The following SLC35F1 variants were observed in gnomAD, a reference collection of about 807,000 sequenced individuals.
The protein encoded by SLC35F1 is chromosome 6 open reading frame 169.
A neutral mutation model predicts 48.7 loss-of-function variants in SLC35F1; 14 were observed. The ratio of observed to expected loss-of-function variants is 0.29; its 90% CI spans 0.19 to 0.45. The LOEUF is 0.45. Among genes scored for constraint, SLC35F1 ranks in the 20% least tolerant of loss-of-function variants. The pLI is 1.00. For synonymous variants in SLC35F1, 190 were observed against 202.2 expected, an observed-to-expected ratio of 0.94 and a Z score of 0.51; for missense variants, 404 against 500.0, an observed-to-expected ratio of 0.81 and a Z score of 1.83.
chr6:118,297,662 AATAT>A (rs1446661383), intron 7 of SLC35F1, among the ~76,000 whole-genome samples: 14,614 of 139,436 alleles, frequency 0.1, 1,285 homozygotes, highest in African/African-American at 0.21. Context: ...TAATATATAT[AATAT>A]TATATAAGTT....
intron 1 of SLC35F1, among the ~76,000 whole-genome samples, chr6:118,150,292 T>A (rs1774036693): frequency 6.6e-6 from 1 of 152,178 alleles, no homozygotes; most frequent in African/African-American, 2.4e-5. Flanking sequence ...TGTACTAAGT[T>A]ATTTGAGGAC....
chr6:117,970,757 A>G (rs1776627365), intron 1 of SLC35F1, among the ~76,000 whole-genome samples: 1 of 152,308 alleles, frequency 6.6e-6, no homozygotes, highest in African/African-American at 2.4e-5. Flanking sequence ...TTATAAAACC[A>G]TCAGATCTTG....
chr6:118,265,635 C>CTCAGTCTAG (rs1429921491), intron 3 of SLC35F1, among the ~76,000 whole-genome samples: 1 of 152,076 alleles, frequency 6.6e-6, no homozygotes, highest in East Asian at 1.9e-4. Context: ...AGGATGTTAG[C>CTCAGTCTAG]TCAGTCTAGG....
At chr6:118,167,781 T>C (rs971768598) in intron 2 of SLC35F1, among the ~76,000 whole-genome samples, 3 of 152,172 alleles carry the variant, frequency 2.0e-5, no homozygotes, top group Non-Finnish European at 4.4e-5. Flanking sequence ...TTCATTATGA[T>C]GTTATGATAG....
chr6:117,961,075 A>G (rs1431920804), intron 1 of SLC35F1, among the ~76,000 whole-genome samples: 1 of 152,166 alleles, frequency 6.6e-6, no homozygotes, highest in Non-Finnish European at 1.5e-5. Flanking sequence ...CAAAAGGAGA[A>G]TGTGTTACAT....
intron 7 of SLC35F1, among the ~76,000 whole-genome samples, chr6:118,303,623 T>A (rs1317473147): frequency 6.6e-6 from 1 of 152,242 alleles, no homozygotes; most frequent in Non-Finnish European, 1.5e-5. Context: ...GAGGGGTTGG[T>A]GTTTTAAAAA....
At chr6:117,985,818 T>C (rs1353319555) in intron 1 of SLC35F1, among the ~76,000 whole-genome samples, 1 of 152,250 alleles carries the variant, frequency 6.6e-6, no homozygotes, top group African/African-American at 2.4e-5. Context: ...ATGCATGCAC[T>C]TAAGTTGGAT....
chr6:118,037,999 C>T (rs561800767), intron 1 of SLC35F1, among the ~76,000 whole-genome samples: 18 of 152,098 alleles, frequency 1.2e-4, no homozygotes, highest in Non-Finnish European at 1.3e-4. Flanking sequence ...AACAAACCTG[C>T]GCATTCTGCA....
chr6:118,232,013 A>G (rs1775298362), intron 2 of SLC35F1, among the ~76,000 whole-genome samples: 1 of 152,236 alleles, frequency 6.6e-6, no homozygotes, highest in Non-Finnish European at 1.5e-5. Flanking sequence ...TGAAACATGA[A>G]TGTTTCTAAT....
At chr6:117,964,172 G>C (rs1223237304) in intron 1 of SLC35F1, among the ~76,000 whole-genome samples, 1 of 152,196 alleles carries the variant, frequency 6.6e-6, no homozygotes, top group Non-Finnish European at 1.5e-5. Context: ...TTTTATGGCT[G>C]CATAGTATTC....
At chr6:117,932,194 C>T (rs1244212274) in intron 1 of SLC35F1, among the ~76,000 whole-genome samples, 1 of 152,166 alleles carries the variant, frequency 6.6e-6, no homozygotes, top group Non-Finnish European at 1.5e-5. Context: ...TCACTAGACA[C>T]GAAATCTGCT....
At chr6:118,235,219 T>C in intron 2 of SLC35F1, among the ~76,000 whole-genome samples, 1 of 152,216 alleles carries the variant, frequency 6.6e-6, no homozygotes, top group Admixed American at 6.5e-5. Context: ...TATGATGTAA[T>C]TATGTTATCC....
At chr6:117,949,098 G>A (rs1776329576) in intron 1 of SLC35F1, among the ~76,000 whole-genome samples, 1 of 152,084 alleles carries the variant, frequency 6.6e-6, no homozygotes, top group Admixed American at 6.6e-5. Flanking sequence ...CCTCTGAGAT[G>A]ATACAGTATT....
At chr6:118,283,834 C>T (rs1311265587) in intron 6 of SLC35F1, among the ~76,000 whole-genome samples, 15 of 152,070 alleles carry the variant, frequency 9.9e-5, no homozygotes, top group Non-Finnish European at 1.5e-4. Context: ...TGCAGAAAAA[C>T]GGTCCGTTTT....
At chr6:118,242,707 C>T (rs1051397565) in intron 3 of SLC35F1, among the ~76,000 whole-genome samples, 5 of 152,152 alleles carry the variant, frequency 3.3e-5, no homozygotes, top group African/African-American at 4.8e-5. Flanking sequence ...GACTTCTTAT[C>T]CAAAGATTAT....
At chr6:117,962,720 T>A (rs1292356798) in intron 1 of SLC35F1, among the ~76,000 whole-genome samples, 3 of 152,180 alleles carry the variant, frequency 2.0e-5, no homozygotes, top group African/African-American at 4.8e-5. Flanking sequence ...AGGGTACTCC[T>A]GGGGGATCAA....
At chr6:117,979,562 A>G (rs1230877191) in intron 1 of SLC35F1, among the ~76,000 whole-genome samples, 1 of 152,228 alleles carries the variant, frequency 6.6e-6, no homozygotes, top group Non-Finnish European at 1.5e-5. Flanking sequence ...GCTCTCTAGT[A>G]ATCAGCATAC....
chr6:118,280,905 A>G (rs58862587), intron 6 of SLC35F1, among the ~76,000 whole-genome samples: 2 of 151,134 alleles, frequency 1.3e-5, no homozygotes, highest in African/African-American at 4.9e-5. Context: ...CTTTTTACCC[A>G]TGTTGAATCT....
At chr6:118,024,293 C>G (rs1041300104) in intron 1 of SLC35F1, among the ~76,000 whole-genome samples, 1 of 152,098 alleles carries the variant, frequency 6.6e-6, no homozygotes, top group Non-Finnish European at 1.5e-5. Context: ...CAAAAAAATC[C>G]TTTCCCAGTT....
Sources: gnomAD v4.1 joint callset for allele counts (sites outside exome capture counted in the v4.1 genomes callset) on GRCh38, gnomAD v4.1.1 for gene constraint, MANE v1.5 for transcripts, NCBI Gene and HGNC (gene_info 2026-07-23, HGNC 2026-07-21) for gene names.